PDIA4: variants seen among roughly 807,000 people sequenced by gnomAD.
PDIA4 encodes the protein protein disulfide isomerase family A member 4, also known as protein disulfide-isomerase A4.
PDIA4 carries 33 observed loss-of-function variants against 62.1 expected under a neutral mutation model. That is an observed-to-expected ratio of 0.53 (90% CI 0.40 to 0.71). PDIA4 has a LOEUF of 0.71. Among genes scored for constraint, PDIA4 ranks in the 30% least tolerant of loss-of-function variants. The pLI is 0.00. For missense variants in PDIA4, 804 were observed against 813.6 expected (o/e 0.99, Z 0.14); for synonymous variants, 341 against 324.1 (o/e 1.05, Z -0.56).
intron 5 of PDIA4, 57 bp downstream of exon 5, chr7:149,012,098 T>C (rs1289973342): frequency 3.1e-6 from 5 of 1,609,204 alleles, no homozygotes; most frequent in Non-Finnish European, 4.3e-6. Flanking sequence ...CAATGGCAGC[T>C]TCCTGTTAGG....
At chr7:149,024,378 T>G (rs1453101706) in intron 1 of PDIA4, among the ~76,000 whole-genome samples, 1 of 152,174 alleles carries the variant, frequency 6.6e-6, no homozygotes, top group Non-Finnish European at 1.5e-5. Flanking sequence ...GATTGATTCC[T>G]CTGCAATTTG....
chr7:149,007,447 G>T (rs369544152), intron 7 of PDIA4, among the ~76,000 whole-genome samples: 9 of 152,150 alleles, frequency 5.9e-5, no homozygotes, highest in African/African-American at 9.7e-5. Context: ...GGTCTGGGGT[G>T]GGGGGTAGAG....
intron 1 of PDIA4, among the ~76,000 whole-genome samples, chr7:149,023,281 T>C (rs1824419350): frequency 6.6e-6 from 1 of 152,214 alleles, no homozygotes; most frequent in South Asian, 2.1e-4. Flanking sequence ...TTTCAGATCA[T>C]TCTAGACCCC....
chr7:149,011,705 C>T, intron 6 of PDIA4, 141 bp downstream of exon 6: 1 of 658,332 alleles, frequency 1.5e-6, no homozygotes, highest in Admixed American at 3.4e-5. Flanking sequence ...CAACTCCAAC[C>T]CCAGAATGGA....
chr7:149,004,629 C>T (rs1223573151), intron 9 of PDIA4, among the ~76,000 whole-genome samples: 3 of 152,232 alleles, frequency 2.0e-5, no homozygotes, highest in Non-Finnish European at 4.4e-5. Flanking sequence ...GATCAACAGG[C>T]TCTGTTTAAA....
chr7:149,016,807 A>T (rs1375000714), intron 3 of PDIA4, among the ~76,000 whole-genome samples: 1 of 152,150 alleles, frequency 6.6e-6, no homozygotes, highest in Non-Finnish European at 1.5e-5. Context: ...CACCGTGCCC[A>T]GCCTACTAGT....
chr7:149,008,010 G>A (rs868469966), intron 7 of PDIA4, 149 bp downstream of exon 7: 7 of 725,200 alleles, frequency 9.7e-6, no homozygotes, highest in South Asian at 4.0e-5. Context: ...CAGAAAACCT[G>A]TGGGGTGGGG....
Position 149,003,718 on chromosome 7 carries a change from G to C in PDIA4, c.*76C>G. On this transcript the variant is annotated 3_prime_UTR_variant, in exon 10 of 10. Coordinates refer to ENST00000652332, the MANE Select transcript of PDIA4 (RefSeq NM_004911.5). Reference sequence around the variant, plus strand: ...ATCCGAGATACTGTCGTTTGTTGCCGGCCTCGGCGTGGACGCCCCGACCAT... The same window carrying C: ...ATCCGAGATACTGTCGTTTGTTGCCCGCCTCGGCGTGGACGCCCCGACCAT... The C allele has an allele frequency of 9.1e-7, 1 of 1,099,022 alleles. No individual in the cohort carries two copies. Among genetic ancestry groups the C allele is most frequent in the Non-Finnish European group, 1.2e-6 (1 of 803,674 alleles). The allele number at this position is 1,099,022 out of a possible 1,614,324, so 68.1% of individuals were successfully genotyped here. A position where few individuals can be genotyped will look rare whatever the true frequency, so the allele number is the denominator to read the frequency against.
At chr7:149,005,460 G>T (rs959291667) in intron 8 of PDIA4, 86 bp from the exon 9 acceptor site, 3 of 825,446 alleles carry the variant, frequency 3.6e-6, no homozygotes, top group Non-Finnish European at 6.2e-6. Context: ...AGGTCCTGTC[G>T]CTAATATTCT....
chr7:149,012,495 A>T, intron 4 of PDIA4, 135 bp from the exon 5 acceptor site: 3 of 702,140 alleles, frequency 4.3e-6, no homozygotes, highest in Non-Finnish European at 7.3e-6. Context: ...TGCCTCCTAG[A>T]CCCTCAGGCC....
rs150428738 is a variant in PDIA4 at position 149,019,155 on chromosome 7, A to T, written c.312T>A (p.Ile104=). 4.1e-3 allele frequency: 6,585 copies of T among 1,613,980 alleles called. 40 individuals are homozygous for T. The highest frequency in any genetic ancestry group is 4.4e-3 in the Non-Finnish European group (5,215 of 1,179,936). ...CKQFAPEYEK[I]ANILKDKDPP... ...GATCTTTATCCTTTAATATGTTGGC[A>T]ATTTTTTCATATTCCGGAGCAAACT... Residue 104 remains isoleucine (I), a synonymous_variant, in exon 3 of 10, where the codon ATT becomes ATA. Transcript: ENST00000652332.
Position 149,003,659 on chromosome 7 carries a change from C to G in PDIA4, c.*135G>C, listed in dbSNP as rs1445405356. 16 of 588,672 alleles carry G rather than the reference C, an allele frequency of 2.7e-5. No individual in the cohort carries two copies. Among genetic ancestry groups the G allele is most frequent in the Non-Finnish European group, 4.1e-5 (15 of 366,304 alleles). The allele number at this position is 588,672 out of a possible 1,614,324, so 36.5% of individuals were successfully genotyped here. A position where few individuals can be genotyped will look rare whatever the true frequency, so the allele number is the denominator to read the frequency against. ...GTATTCAGAGCATGAAGTGAAACAC[C>G]AAAGTATAAAAAATTAAAAAAAAAA... On this transcript the variant is annotated 3_prime_UTR_variant, in exon 10 of 10. Transcript: ENST00000652332.
In PDIA4 at chr7:149,003,591, G is replaced by A. The variant is rs1321718872; in HGVS notation, c.*203C>T. The A allele has an allele frequency of 2.5e-6, 1 of 407,782 alleles. No homozygotes were observed. The highest frequency in any genetic ancestry group is 2.1e-5 in the African/African-American group (1 of 48,556). The allele number at this position is 407,782 out of a possible 1,614,324, so 25.3% of individuals were successfully genotyped here. On this transcript the variant is annotated 3_prime_UTR_variant, in exon 10 of 10. Transcript: ENST00000652332. ...AATGATAAAAATAGATGTATCCTCT[G>A]TAAAAATCTGGACTAAACTATTCAG...
intron 6 of PDIA4, among the ~76,000 whole-genome samples, chr7:149,011,230 C>A (rs188877020): frequency 6.6e-6 from 1 of 152,252 alleles, no homozygotes; most frequent in African/African-American, 2.4e-5. Context: ...CTGAGTACAC[C>A]TGTCCCCAGG....
chr7:149,011,808 C>A, intron 6 of PDIA4, 38 bp downstream of exon 6: 2 of 1,498,326 alleles, frequency 1.3e-6, no homozygotes, highest in Non-Finnish European at 1.8e-6. Context: ...CGGCCCAAGG[C>A]ACGCACATTT....
At chr7:149,014,381 C>A (rs1258565987) in intron 4 of PDIA4, among the ~76,000 whole-genome samples, 1 of 152,154 alleles carries the variant, frequency 6.6e-6, no homozygotes, top group Non-Finnish European at 1.5e-5. Context: ...AGAACCAGAA[C>A]CACAGCTGAC....
intron 1 of PDIA4, 108 bp from the exon 2 acceptor site, chr7:149,021,255 C>G: frequency 9.5e-7 from 1 of 1,056,530 alleles, no homozygotes; most frequent in Non-Finnish European, 1.4e-6. Flanking sequence ...CTTTGGGAGG[C>G]TGAGGTGGGC....
intron 1 of PDIA4, among the ~76,000 whole-genome samples, chr7:149,027,608 G>A (rs773102262): frequency 2.6e-5 from 4 of 152,168 alleles, no homozygotes; most frequent in Admixed American, 1.3e-4. Flanking sequence ...TATGTCTGCA[G>A]CTAGCTCACT....
In PDIA4 at chr7:149,015,247, T is replaced by C. The variant is rs144983274; in HGVS notation, c.476-205A>G. ...AGAAGGTTCGCTATTTCCCAACAATTGTCCATCGCATTTCCACAGCCTGCA... is the reference window on the plus strand; with the variant it reads ...AGAAGGTTCGCTATTTCCCAACAATCGTCCATCGCATTTCCACAGCCTGCA... On this transcript the variant is annotated intron_variant, in intron 3 of 9. Coordinates refer to ENST00000652332, the MANE Select transcript of PDIA4 (RefSeq NM_004911.5). Among the ~76,000 whole-genome samples, 29 of 152,224 alleles carry C rather than the reference T, an allele frequency of 1.9e-4. No individual in the cohort carries two copies. In the East Asian group the frequency reaches 5.6e-3, roughly 29 times the overall value.
Sources: allele counts gnomAD v4.1 joint callset (sites outside exome capture counted in the v4.1 genomes callset), GRCh38; gene constraint gnomAD v4.1.1; transcripts MANE v1.5; gene names NCBI Gene and HGNC (gene_info 2026-07-23, HGNC 2026-07-21).